The following GALNS variants were observed in gnomAD, a reference collection of about 807,000 sequenced individuals.
GALNS encodes galactosamine (N-acetyl)-6-sulfatase.
A neutral mutation model predicts 65.9 loss-of-function variants in GALNS; 65 were observed. The ratio of observed to expected loss-of-function variants is 0.99; its 90% CI spans 0.81 to 1.21. GALNS has a LOEUF of 1.21. Ranked by LOEUF, GALNS falls within the 50% of genes most tolerant of loss-of-function variation. The pLI is 0.00. For synonymous variants in GALNS, 346 were observed against 288.9 expected, an observed-to-expected ratio of 1.20 and a Z score of -2.00; for missense variants, 776 against 700.7, an observed-to-expected ratio of 1.11 and a Z score of -1.21.
intron 1 of GALNS, among the ~76,000 whole-genome samples, chr16:88,851,727 G>A (rs1467190938): frequency 6.6e-6 from 1 of 152,186 alleles, no homozygotes; most frequent in Admixed American, 6.5e-5. Flanking sequence ...TGGCTCGGAG[G>A]GTCTCATGCC....
At position 88,817,862 on chromosome 16, in the gene GALNS, G is replaced by T. The variant is rs1391144855; in HGVS notation, c.1482+145C>A. 6 of 772,960 alleles carry T rather than the reference G, an allele frequency of 7.8e-6. No individual in the cohort carries two copies. The East Asian group carries it at 1.6e-4, about 21-fold the overall frequency. 47.9% of individuals were successfully genotyped at this position (772,960 alleles called of 1,614,324 possible). The stretch of plus-strand genomic sequence containing the variant: ...CCGAATCCCGGACGCCGCCGCGTGT[G>T]CTCTGAGGCACGAGGGCCTCACCAC... On this transcript the variant is annotated intron_variant, in intron 13 of 13. Coordinates refer to ENST00000268695, the MANE Select transcript of GALNS (RefSeq NM_000512.5).
chr16:88,855,899 C>T (rs961142426), intron 1 of GALNS: 4 of 523,528 alleles, frequency 7.6e-6, no homozygotes, highest in Non-Finnish European at 1.4e-5. Context: ...GTCTGGTACT[C>T]GGTGTCGTCC....
intron 1 of GALNS, among the ~76,000 whole-genome samples, chr16:88,850,469 C>G (rs909079647): frequency 6.6e-6 from 1 of 152,178 alleles, no homozygotes; most frequent in African/African-American, 2.4e-5. Context: ...GGAGTGGGCT[C>G]CACGCTCATC....
In GALNS at chr16:88,831,973, G is replaced by A. The variant is rs780122466; in HGVS notation, c.1002+25C>T. 2.1e-5 allele frequency: 34 copies of A among 1,602,194 alleles called. No homozygotes were observed. The East Asian group carries it at 2.2e-4, about 11-fold the overall frequency. On this transcript the variant is annotated intron_variant, in intron 9 of 13. Coordinates refer to ENST00000268695, the MANE Select transcript of GALNS (RefSeq NM_000512.5). Reference sequence around the variant, plus strand: ...GGCTGCAGGCCTGGACCTGCTGCCCGGCAGACCGGTGGACGCTGACTCACC... The same window carrying A: ...GGCTGCAGGCCTGGACCTGCTGCCCAGCAGACCGGTGGACGCTGACTCACC...
rs531720908 is a variant in GALNS at position 88,822,817 on chromosome 16, T to C, written c.1243-107A>G. On this transcript the variant is annotated intron_variant, in intron 11 of 13. Transcript: ENST00000268695. ...CCCTGACTGCGGCCGTGAGGGGCCTTGTCTGCCTGTGTCCTGGAGCCCCTA... is the reference window on the plus strand; with the variant it reads ...CCCTGACTGCGGCCGTGAGGGGCCTCGTCTGCCTGTGTCCTGGAGCCCCTA... 5 of 1,476,854 alleles carry C rather than the reference T, an allele frequency of 3.4e-6. No homozygotes were observed. In the African/African-American group the frequency reaches 5.6e-5, roughly 17 times the overall value. 91.5% of individuals were successfully genotyped at this position (1,476,854 alleles called of 1,614,324 possible).
intron 11 of GALNS, 35 bp from the exon 12 acceptor site, chr16:88,822,745 C>T (rs1910370894): frequency 6.2e-7 from 1 of 1,606,716 alleles, no homozygotes; most frequent in African/African-American, 1.3e-5. Flanking sequence ...GTCCTGGAGC[C>T]CCTGACCTGC....
In GALNS at chr16:88,831,902, G is replaced by A; in HGVS notation, c.1002+96C>T. On this transcript the variant is annotated intron_variant, in intron 9 of 13. Transcript: ENST00000268695. ...AGGAGAGCGGTGAGGATGAGCACGGGGTGCATGGGGGAGGTGGCCAGTGAG... is the reference window on the plus strand; with the variant it reads ...AGGAGAGCGGTGAGGATGAGCACGGAGTGCATGGGGGAGGTGGCCAGTGAG... 12 of 1,005,482 alleles carry A rather than the reference G, an allele frequency of 1.2e-5. No homozygotes were observed. In the South Asian group the frequency reaches 1.5e-4, roughly 12 times the overall value. 62.3% of individuals were successfully genotyped at this position (1,005,482 alleles called of 1,614,324 possible).
intron 13 of GALNS, chr16:88,816,930 G>C (rs978186414): frequency 7.1e-6 from 7 of 985,348 alleles, no homozygotes; most frequent in African/African-American, 5.2e-5. Flanking sequence ...GGTGAGCGAC[G>C]GCCCAGGGGC....
At chr16:88,815,649 A>G (rs1909545941) in intron 13 of GALNS, 2 of 985,354 alleles carry the variant, frequency 2.0e-6, no homozygotes, top group Non-Finnish European at 2.4e-6. Context: ...CAGACGCCGC[A>G]TGGCCCTGAG....
Position 88,815,997 on chromosome 16 carries a change from G to A in GALNS, c.1483-1472C>T, listed in dbSNP as rs527861672. On this transcript the variant is annotated intron_variant, in intron 13 of 13. Transcript: ENST00000268695. The stretch of plus-strand genomic sequence containing the variant: ...TGGCCTGGAGTTGGCGGGGACAGAG[G>A]GCAGGGAAGGGGTAAGGAGGGCCCC... 69 of 985,442 alleles carry A rather than the reference G, an allele frequency of 7.0e-5. No homozygotes were observed. The South Asian group carries it at 2.9e-3, about 41-fold the overall frequency. The allele number at this position is 985,442 out of a possible 1,614,324, so 61.0% of individuals were successfully genotyped here.
At chr16:88,849,402 A>G (rs893576756) in intron 1 of GALNS, among the ~76,000 whole-genome samples, 1 of 152,188 alleles carries the variant, frequency 6.6e-6, no homozygotes, top group African/African-American at 2.4e-5. Context: ...CGCCTGCCTC[A>G]GCCTCCTGAG....
At chr16:88,840,635 A>G (rs13337256) in intron 4 of GALNS, 108,380 of 375,424 alleles carry the variant, frequency 0.29, 16,879 homozygotes, top group East Asian at 0.57. Context: ...CCTCCGCCAC[A>G]GCTCCTGTGT....
intron 1 of GALNS, among the ~76,000 whole-genome samples, chr16:88,853,879 C>G (rs758440122): frequency 1.9e-4 from 29 of 152,214 alleles, no homozygotes; most frequent in Non-Finnish European, 3.8e-4. Context: ...GCTGCTCTCA[C>G]CCCTGAGTCC....
intron 1 of GALNS, among the ~76,000 whole-genome samples, chr16:88,850,195 C>T (rs556612870): frequency 1.2e-4 from 19 of 152,336 alleles, no homozygotes; most frequent in Admixed American, 6.5e-4. Flanking sequence ...ATGTTTCGCC[C>T]GTTACACTGT....
chr16:88,835,873 T>G, intron 6 of GALNS, 24 bp from the exon 7 acceptor site: 1 of 1,613,552 alleles, frequency 6.2e-7, no homozygotes, highest in South Asian at 1.1e-5. Flanking sequence ...CACACCGTCG[T>G]CCTCCAGCCT....
Position 88,824,878 on chromosome 16 carries a change from T to C in GALNS, c.1140-9A>G. 1 of 1,611,658 alleles carries C rather than the reference T, an allele frequency of 6.2e-7. No homozygotes were observed. Among genetic ancestry groups the C allele is most frequent in the Non-Finnish European group, 8.5e-7 (1 of 1,178,992 alleles). On this transcript the variant is annotated splice_polypyrimidine_tract_variant and intron_variant, in intron 10 of 13. Coordinates refer to ENST00000268695, the MANE Select transcript of GALNS (RefSeq NM_000512.5). ...GGTAATAGAAGATAGGCCTGTGGGA[T>C]GGGAGGGGAGGACCATGTAATGACA...
intron 1 of GALNS, among the ~76,000 whole-genome samples, chr16:88,853,111 C>T (rs1459764627): frequency 6.7e-6 from 1 of 149,536 alleles, no homozygotes; most frequent in African/African-American, 2.5e-5. Flanking sequence ...ATTAGCTGGG[C>T]ACGGTGGTGG....
At chr16:88,840,054 A>G (rs1056911532) in intron 4 of GALNS, among the ~76,000 whole-genome samples, 5 of 152,168 alleles carry the variant, frequency 3.3e-5, no homozygotes, top group Non-Finnish European at 7.4e-5. Flanking sequence ...CGTGGGGCCC[A>G]ACCTCCCTGT....
rs564569848 is a variant in GALNS at position 88,818,218 on chromosome 16, G to A, written c.1365-94C>T. 1.3e-4 allele frequency: 128 copies of A among 1,009,766 alleles called. 1 individual carries two copies. Among genetic ancestry groups the A allele is most frequent in the East Asian group, 4.1e-4 (16 of 39,050 alleles). The allele number at this position is 1,009,766 out of a possible 1,614,324, so 62.6% of individuals were successfully genotyped here. A position where few individuals can be genotyped will look rare whatever the true frequency, so the allele number is the denominator to read the frequency against. On this transcript the variant is annotated intron_variant, in intron 12 of 13. Transcript: ENST00000268695. ...CAGGCTGAGGCTGCAGAGCTCTAAC[G>A]GGCTGAGAACCACAGTGAGCAGTCA...
Sources: allele counts gnomAD v4.1 joint callset (sites outside exome capture counted in the v4.1 genomes callset), GRCh38; gene constraint gnomAD v4.1.1; transcripts MANE v1.5; gene names NCBI Gene and HGNC (gene_info 2026-07-23, HGNC 2026-07-21).